The following CALCR variants were observed in gnomAD, a reference collection of about 807,000 sequenced individuals.
The protein encoded by CALCR is calcitonin receptor.
A neutral mutation model predicts 59.5 loss-of-function variants in CALCR; 47 were observed. The ratio of observed to expected loss-of-function variants is 0.79; its 90% CI spans 0.63 to 1.01. The LOEUF is 1.01. Ranked by LOEUF, CALCR falls within the 50% of genes least tolerant of loss-of-function variation. The pLI, the probability that CALCR is intolerant of heterozygous loss-of-function variation, is 0.00. For synonymous variants in CALCR, 213 were observed against 211.3 expected (o/e 1.01, Z -0.07); for missense variants, 566 against 597.1 (o/e 0.95, Z 0.54).
At chr7:93,556,844 G>A (rs568136613) in intron 2 of CALCR, among the ~76,000 whole-genome samples, 1 of 152,014 alleles carries the variant, frequency 6.6e-6, no homozygotes, top group Admixed American at 6.6e-5. Flanking sequence ...TACTACAAAT[G>A]ATATTGCAAA....
At chr7:93,429,935 T>TG (rs1491558440) in intron 13 of CALCR, among the ~76,000 whole-genome samples, 2 of 106,368 alleles carry the variant, frequency 1.9e-5, no homozygotes, top group African/African-American at 7.2e-5. Flanking sequence ...TGTTTGTTTG[T>TG]TTTTTTGTTT....
At chr7:93,564,619 A>AT (rs376694757) in intron 2 of CALCR, among the ~76,000 whole-genome samples, 9 of 151,910 alleles carry the variant, frequency 5.9e-5, no homozygotes, top group African/African-American at 1.4e-4. Flanking sequence ...CCCTCAGCTA[A>AT]TTTTTTGTAT....
chr7:93,433,160 T>A (rs966165806), intron 13 of CALCR, among the ~76,000 whole-genome samples: 2 of 152,210 alleles, frequency 1.3e-5, no homozygotes, highest in South Asian at 4.1e-4. Flanking sequence ...GGTCACAGAA[T>A]AGCAAAATAT....
chr7:93,538,083 G>A (rs966495305), intron 2 of CALCR, among the ~76,000 whole-genome samples: 4 of 151,846 alleles, frequency 2.6e-5, no homozygotes, highest in African/African-American at 9.7e-5. Context: ...AATTAATGAA[G>A]AACATAGAAC....
At chr7:93,460,593 G>GTATATATATATATATATACGTATATATA (rs1800308698) in intron 8 of CALCR, among the ~76,000 whole-genome samples, 4 of 89,358 alleles carry the variant, frequency 4.5e-5, no homozygotes, top group African/African-American at 2.1e-4. Context: ...ATATATATAT[G>GTATATATATATATATATACGTATATATA]TATATATATA....
chr7:93,442,803 C>G (rs1230649943), intron 9 of CALCR, among the ~76,000 whole-genome samples: 2 of 152,164 alleles, frequency 1.3e-5, no homozygotes, highest in African/African-American at 4.8e-5. Flanking sequence ...CGAGTTCCTC[C>G]TCTGGTATGG....
In CALCR at chr7:93,552,961, A is replaced by G. The variant is rs576822161; in HGVS notation, c.-27+21328T>C. On this transcript the variant is annotated intron_variant, in intron 2 of 13. Transcript: ENST00000426151. ...GAGAAATTCTTCCTCACTGAATGAG[A>G]TAAACATAGCACTTGTTTCTATGGC... 2.6e-5 allele frequency among the ~76,000 whole-genome samples: 4 copies of G among 152,298 alleles called. No individual in the cohort carries two copies. In the East Asian group the frequency reaches 7.7e-4, roughly 29 times the overall value.
intron 2 of CALCR, among the ~76,000 whole-genome samples, chr7:93,521,823 A>G (rs949909131): frequency 2.0e-5 from 3 of 152,192 alleles, no homozygotes. Context: ...AATCTGCATT[A>G]AGAATTAAAT....
intron 13 of CALCR, among the ~76,000 whole-genome samples, chr7:93,433,843 T>C (rs1221478899): frequency 2.0e-5 from 3 of 152,214 alleles, no homozygotes; most frequent in Non-Finnish European, 2.9e-5. Context: ...GAGTAAGTAG[T>C]AGGGCGTTAG....
At chr7:93,438,013 A>C in intron 11 of CALCR, 47 bp downstream of exon 11, 1 of 1,360,080 alleles carries the variant, frequency 7.4e-7, no homozygotes, top group South Asian at 1.2e-5. Context: ...AGAAATCTCA[A>C]CTAAGAGATA....
chr7:93,472,416 T>C lies in CALCR; in HGVS notation c.388A>G (p.Asn130Asp). 1 of 1,610,546 alleles carries C rather than the reference T, an allele frequency of 6.2e-7. No homozygotes were observed. The highest frequency in any genetic ancestry group is 8.5e-7 in the Non-Finnish European group (1 of 1,177,574). The change falls in exon 6 of 14, where the codon AAC becomes GAC. Residue 130 changes from asparagine (N) to aspartate (D), a missense_variant. Coordinates refer to ENST00000426151, the MANE Select transcript of CALCR (RefSeq NM_001742.4). ...GTGAAAGCATTGCACATAGTATAGT[T>C]GGACCAGGTTCGATTGTTTTCAGGA... ...KHPENNRTWS[N>D]YTMCNAFTPE...
At chr7:93,439,928 A>G (rs138278324) in intron 9 of CALCR, among the ~76,000 whole-genome samples, 154 of 152,292 alleles carry the variant, frequency 1.0e-3, no homozygotes, top group African/African-American at 3.5e-3. Context: ...GGTGCCATGC[A>G]GACTTGGAAG....
rs57128008 is a variant in CALCR, at chr7:93,532,838, C to CAAAAAAAAAAAAAAAAAAAAAA, written c.-27+41429_-27+41450dup. On this transcript the variant is annotated intron_variant, in intron 2 of 13. Transcript: ENST00000426151. ...TAGCCTTGATTCCTCATGTCCAAAG[C>CAAAAAAAAAAAAAAAAAAAAAA]AAAAAAAAAAAAAAAAAAAAAAAAA... 2.5e-4 allele frequency among the ~76,000 whole-genome samples: 24 copies of CAAAAAAAAAAAAAAAAAAAAAA among 95,674 alleles called. 4 individuals are homozygous for CAAAAAAAAAAAAAAAAAAAAAA. The highest frequency in any genetic ancestry group is 1.1e-3 in the African/African-American group (22 of 19,926). 62.8% of individuals were successfully genotyped at this position (95,674 alleles called of 152,430 possible). A position where few individuals can be genotyped will look rare whatever the true frequency, so the allele number is the denominator to read the frequency against.
chr7:93,513,346 A>C (rs1563003362), intron 2 of CALCR, among the ~76,000 whole-genome samples: 2 of 152,180 alleles, frequency 1.3e-5, no homozygotes, highest in Non-Finnish European at 2.9e-5. Context: ...ATCTGCTATT[A>C]AAAGAAGTAT....
rs1386048152 is a variant in CALCR, at chr7:93,426,362, A to AGAT, written c.1416_1418dup (p.Ser473dup). The AGAT allele has an allele frequency of 1.8e-5, 29 of 1,573,826 alleles. No homozygotes were observed. The highest frequency in any genetic ancestry group is 2.4e-5 in the Non-Finnish European group (28 of 1,143,694). On this transcript the variant is annotated inframe_insertion, in exon 14 of 14. Coordinates refer to ENST00000426151, the MANE Select transcript of CALCR (RefSeq NM_001742.4). ...TGCTGTGTTTGCTTCACATTCAAGC[A>AGAT]GATGACTCTTGCTCTATGATATTCA...
intron 2 of CALCR, among the ~76,000 whole-genome samples, chr7:93,546,473 C>G (rs1195385110): frequency 6.6e-6 from 1 of 152,058 alleles, no homozygotes; most frequent in Admixed American, 6.5e-5. Context: ...AGCTGGAAGT[C>G]AAACCCAGAC....
At chr7:93,527,671 A>AG (rs1222296841) in intron 2 of CALCR, among the ~76,000 whole-genome samples, 1 of 152,150 alleles carries the variant, frequency 6.6e-6, no homozygotes, top group African/African-American at 2.4e-5. Flanking sequence ...CCACTTCAAA[A>AG]TGCTGTCTAG....
chr7:93,519,606 C>G (rs762341249), intron 2 of CALCR, among the ~76,000 whole-genome samples: 1 of 152,052 alleles, frequency 6.6e-6, no homozygotes, highest in Non-Finnish European at 1.5e-5. Context: ...CTTTGAAAGA[C>G]ATTTCCAAAT....
At chr7:93,484,843 T>A (rs1275511788) in intron 3 of CALCR, among the ~76,000 whole-genome samples, 2 of 151,752 alleles carry the variant, frequency 1.3e-5, no homozygotes, top group Non-Finnish European at 2.9e-5. Context: ...GAGAGCTCAC[T>A]GTATACCAAC....
Sources: gnomAD v4.1 joint callset for allele counts (sites outside exome capture counted in the v4.1 genomes callset) on GRCh38, gnomAD v4.1.1 for gene constraint, MANE v1.5 for transcripts, NCBI Gene and HGNC (gene_info 2026-07-23, HGNC 2026-07-21) for gene names.